Variants in DLG1 observed in about 807,000 individuals in gnomAD.
DLG1 encodes disks large homolog 1.
Under a neutral mutation model 123.4 loss-of-function variants are expected in DLG1, and 42 were observed. The ratio of observed to expected loss-of-function variants is 0.34; its 90% CI spans 0.27 to 0.44. The LOEUF (loss-of-function observed/expected upper bound fraction) is 0.44, where lower values mean the gene tolerates loss of function less well. Ranked by LOEUF, DLG1 falls within the 20% of genes least tolerant of loss-of-function variation. The pLI is 1.00. For synonymous variants in DLG1, 317 were observed against 356.2 expected (o/e 0.89, Z 1.24); for missense variants, 942 against 1,082.6 (o/e 0.87, Z 1.82).
Position 197,149,813 on chromosome 3 carries a change from T to C in DLG1, c.484-17A>G. 7 of 1,491,522 alleles carry C rather than the reference T, an allele frequency of 4.7e-6. No individual in the cohort carries two copies. The South Asian group carries it at 5.8e-5, about 12-fold the overall frequency. The allele number at this position is 1,491,522 out of a possible 1,614,324, so 92.4% of individuals were successfully genotyped here. On this transcript the variant is annotated splice_polypyrimidine_tract_variant and intron_variant, in intron 5 of 24. Coordinates refer to ENST00000667157, the MANE Select transcript of DLG1 (RefSeq NM_001366207.1). ...AGGATTTGCCTTTAAGAAGAAATTG[T>C]AAATGTGTTAACAAGAAAATAAAAC...
intron 4 of DLG1, among the ~76,000 whole-genome samples, chr3:197,248,342 G>C (rs530653069): frequency 6.6e-6 from 1 of 151,976 alleles, no homozygotes; most frequent in African/African-American, 2.4e-5. Flanking sequence ...GGGTTTATTC[G>C]TCATGCCAGG....
At chr3:197,121,546 A>C (rs1192941547) in intron 11 of DLG1, among the ~76,000 whole-genome samples, 2 of 152,028 alleles carry the variant, frequency 1.3e-5, no homozygotes, top group African/African-American at 4.8e-5. Flanking sequence ...TCGGCAGAGA[A>C]ACTGTATTCT....
chr3:197,150,419 A>G (rs1164646086), intron 5 of DLG1, among the ~76,000 whole-genome samples: 1 of 152,090 alleles, frequency 6.6e-6, no homozygotes, highest in Non-Finnish European at 1.5e-5. Context: ...TTAAGTTTGG[A>G]TTGAAAAAAA....
At chr3:197,296,201 T>C (rs1162520156) in intron 3 of DLG1, 145 bp downstream of exon 3, 10 of 777,058 alleles carry the variant, frequency 1.3e-5, no homozygotes, top group Non-Finnish European at 2.0e-5. Flanking sequence ...CACTGGCCTA[T>C]GAAAAACACA....
At chr3:197,283,859 G>GTTTT (rs36055840) in intron 3 of DLG1, among the ~76,000 whole-genome samples, 29 of 104,874 alleles carry the variant, frequency 2.8e-4, no homozygotes, top group African/African-American at 2.8e-4. Context: ...CAGTTGGGTT[G>GTTTT]TTTTTTTTTT....
chr3:197,111,700 T>A (rs1351299039), intron 13 of DLG1, among the ~76,000 whole-genome samples: 1 of 152,220 alleles, frequency 6.6e-6, no homozygotes, highest in Non-Finnish European at 1.5e-5. Context: ...TCAGTCCCAA[T>A]CACTGGCAAC....
chr3:197,077,250 T>TAC (rs1042907217), intron 17 of DLG1, among the ~76,000 whole-genome samples: 2 of 151,432 alleles, frequency 1.3e-5, no homozygotes, highest in African/African-American at 4.8e-5. Flanking sequence ...TATTTATATA[T>TAC]ACACATATAC....
intron 19 of DLG1, 107 bp downstream of exon 19, chr3:197,069,112 G>A (rs1027676014): frequency 2.0e-5 from 12 of 614,872 alleles, no homozygotes; most frequent in Non-Finnish European, 2.9e-5. Context: ...TTAAAATAAC[G>A]ATCATATAAC....
intron 13 of DLG1, among the ~76,000 whole-genome samples, chr3:197,107,501 C>T (rs141842157): frequency 4.6e-5 from 7 of 151,876 alleles, no homozygotes; most frequent in Middle Eastern, 6.8e-3. Flanking sequence ...ACAGAGATTG[C>T]GCCACTGCAC....
At chr3:197,174,141 G>C (rs182054897) in intron 5 of DLG1, among the ~76,000 whole-genome samples, 1 of 152,314 alleles carries the variant, frequency 6.6e-6, no homozygotes, top group East Asian at 1.9e-4. Context: ...TTGGCCTACA[G>C]ATTGTAGCTT....
At chr3:197,216,489 C>T (rs1734187102) in intron 4 of DLG1, among the ~76,000 whole-genome samples, 1 of 152,160 alleles carries the variant, frequency 6.6e-6, no homozygotes, top group South Asian at 2.1e-4. Flanking sequence ...TTTCCAGAAT[C>T]CTCTCCCAAT....
chr3:197,173,792 C>G (rs188120328), intron 5 of DLG1, among the ~76,000 whole-genome samples: 1 of 152,314 alleles, frequency 6.6e-6, no homozygotes, highest in Admixed American at 6.5e-5. Flanking sequence ...ATAGGCATGG[C>G]TGTGTTCCAA....
chr3:197,214,329 C>T (rs1258360369), intron 4 of DLG1, among the ~76,000 whole-genome samples: 1 of 152,134 alleles, frequency 6.6e-6, no homozygotes, highest in African/African-American at 2.4e-5. Context: ...GGCGCGGTGG[C>T]TTTGGGAGGC....
intron 5 of DLG1, among the ~76,000 whole-genome samples, chr3:197,160,437 A>T (rs551189324): frequency 2.7e-4 from 41 of 151,952 alleles, no homozygotes; most frequent in Non-Finnish European, 5.3e-4. Context: ...ATGATGCCAT[A>T]ATAACCCTTA....
In DLG1 at chr3:197,191,317, A is replaced by T. The variant is rs1238389788; in HGVS notation, c.483+3108T>A. On this transcript the variant is annotated intron_variant, in intron 5 of 24. Transcript: ENST00000667157. ...ACATCTGGAGACTCTGGGTAAACAA[A>T]ATCTTGTGTCTGGAACATTGTTTTA... is the stretch of plus-strand genomic sequence containing the variant. Among the ~76,000 whole-genome samples, 3 of 152,180 alleles carry T rather than the reference A, an allele frequency of 2.0e-5. No homozygotes were observed. The East Asian group carries it at 5.8e-4, about 29-fold the overall frequency.
intron 4 of DLG1, among the ~76,000 whole-genome samples, chr3:197,275,853 T>G (rs1395276041): frequency 6.6e-6 from 1 of 152,168 alleles, no homozygotes; most frequent in Non-Finnish European, 1.5e-5. Flanking sequence ...TATTGTATAT[T>G]TCAAAATAGC....
At chr3:197,298,064 G>C in intron 1 of DLG1, 1 of 396,028 alleles carries the variant, frequency 2.5e-6, no homozygotes, top group Non-Finnish European at 3.4e-6. Flanking sequence ...CCCACCCCCG[G>C]AACCTCGCCT....
chr3:197,242,277 G>A (rs1749310363), intron 4 of DLG1, among the ~76,000 whole-genome samples: 1 of 151,762 alleles, frequency 6.6e-6, no homozygotes, highest in African/African-American at 2.4e-5. Flanking sequence ...ACCCATCAGA[G>A]CTCCCAAGTA....
intron 4 of DLG1, among the ~76,000 whole-genome samples, chr3:197,228,346 G>T (rs1741048013): frequency 6.6e-6 from 1 of 152,226 alleles, no homozygotes; most frequent in Non-Finnish European, 1.5e-5. Flanking sequence ...TTTGGCACAT[G>T]TCTAATAGAA....
Sources: allele counts gnomAD v4.1 joint callset (sites outside exome capture counted in the v4.1 genomes callset), GRCh38; gene constraint gnomAD v4.1.1; transcripts MANE v1.5; gene names NCBI Gene and HGNC (gene_info 2026-07-23, HGNC 2026-07-21).